The following USP34 variants were observed in gnomAD, a reference collection of about 807,000 sequenced individuals.
USP34 encodes the protein ubiquitin specific peptidase 34.
USP34 carries 70 observed loss-of-function variants against 460.3 expected under a neutral mutation model. That is an observed-to-expected ratio of 0.15 (90% CI 0.13 to 0.19). The LOEUF (loss-of-function observed/expected upper bound fraction) is 0.19. USP34 is among the 10% of genes least tolerant of loss of function. The pLI, the probability that USP34 is intolerant of heterozygous loss-of-function variation, is 1.00. For synonymous variants in USP34, 1,647 were observed against 1,405.3 expected (o/e 1.17, Z -3.85); for missense variants, 3,985 against 4,236.2 (o/e 0.94, Z 1.65).
intron 48 of USP34, among the ~76,000 whole-genome samples, chr2:61,252,608 T>C (rs1688616804): frequency 6.6e-6 from 1 of 152,082 alleles, no homozygotes; most frequent in East Asian, 1.9e-4. Flanking sequence ...ACAAAAAGTA[T>C]GAATTTAGGG....
intron 21 of USP34, 84 bp downstream of exon 21, chr2:61,325,291 A>AAT: frequency 1.2e-6 from 1 of 840,448 alleles, no homozygotes; most frequent in Non-Finnish European, 1.8e-6. Context: ...AAAAAAAAAA[A>AAT]CTGCAGAAAT....
In USP34 at chr2:61,189,043, C is replaced by T. The variant is rs1428461086; in HGVS notation, c.9900G>A (p.Leu3300=). Residue 3300 remains leucine, a synonymous_variant, in exon 79 of 80, where the codon CTG becomes CTA. Coordinates refer to ENST00000398571, the MANE Select transcript of USP34 (RefSeq NM_014709.4). ...TTAACTGTTTGGGAGTGTGTACTGA[C>T]AGGAGCAAAGCGAGTGCCCTCAGGT... The part of the protein sequence containing the change: ...NGDLRALALL[L]SVHTPKQLNP... The T allele has an allele frequency of 5.0e-6, 8 of 1,613,954 alleles. No individual in the cohort carries two copies. Among genetic ancestry groups the T allele is most frequent in the Non-Finnish European group, 6.8e-6 (8 of 1,180,030 alleles).
At chr2:61,243,782 A>C (rs1013545397) in intron 51 of USP34, among the ~76,000 whole-genome samples, 7 of 151,790 alleles carry the variant, frequency 4.6e-5, no homozygotes, top group Non-Finnish European at 1.0e-4. Context: ...GAGGCAGGAG[A>C]ATCACTTGAA....
intron 16 of USP34, among the ~76,000 whole-genome samples, chr2:61,341,634 T>C (rs1251727955): frequency 2.0e-5 from 3 of 152,080 alleles, no homozygotes; most frequent in Non-Finnish European, 4.4e-5. Flanking sequence ...CTACCATGAT[T>C]GTAAGCTTCC....
At chr2:61,364,301 T>A (rs1487097827) in intron 10 of USP34, among the ~76,000 whole-genome samples, 1 of 152,156 alleles carries the variant, frequency 6.6e-6, no homozygotes, top group African/African-American at 2.4e-5. Context: ...GTTTTGAGGC[T>A]GCAGCAGTGA....
chr2:61,319,146 A>G (rs748194538), intron 22 of USP34, 27 bp downstream of exon 22: 3 of 1,531,268 alleles, frequency 2.0e-6, no homozygotes, highest in Non-Finnish European at 1.7e-6. Flanking sequence ...TGGAAAAATA[A>G]TAACAAACTG....
intron 1 of USP34, among the ~76,000 whole-genome samples, chr2:61,459,284 G>A (rs1283131643): frequency 6.6e-6 from 1 of 152,312 alleles, no homozygotes; most frequent in African/African-American, 2.4e-5. Context: ...CTTCTTTGCT[G>A]TGTGACCTTA....
intron 21 of USP34, among the ~76,000 whole-genome samples, 177 bp downstream of exon 21, chr2:61,325,198 C>T (rs1043050179): frequency 3.3e-5 from 5 of 150,956 alleles, no homozygotes; most frequent in African/African-American, 7.3e-5. Flanking sequence ...CCTACCAGTA[C>T]GCAATACTGG....
At chr2:61,274,469 T>C (rs78909477) in intron 41 of USP34, among the ~76,000 whole-genome samples, 4,378 of 150,286 alleles carry the variant, frequency 0.029, 91 homozygotes, top group Non-Finnish European at 0.046. Context: ...TTGCAATTCA[T>C]ATTACAGTGA....
intron 21 of USP34, 113 bp downstream of exon 21, chr2:61,325,262 A>G (rs1379969233): frequency 3.9e-5 from 26 of 667,594 alleles, no homozygotes; most frequent in Admixed American, 1.1e-4. Context: ...ACTGACTCTA[A>G]AATTAAATTA....
At chr2:61,386,631 A>C (rs1693153395) in intron 5 of USP34, among the ~76,000 whole-genome samples, 1 of 152,058 alleles carries the variant, frequency 6.6e-6, no homozygotes, top group South Asian at 2.1e-4. Context: ...TATACTAAAA[A>C]TACAAAAAAT....
chr2:61,272,787 T>C (rs1348915369), intron 41 of USP34, among the ~76,000 whole-genome samples: 1 of 152,102 alleles, frequency 6.6e-6, no homozygotes, highest in African/African-American at 2.4e-5. Flanking sequence ...TAAGAACAAC[T>C]AACTTAACAT....
chr2:61,274,697 ATAGT>A (rs1295532770), intron 41 of USP34, among the ~76,000 whole-genome samples: 4 of 152,212 alleles, frequency 2.6e-5, no homozygotes, highest in African/African-American at 9.6e-5. Flanking sequence ...ATCTAAACGT[ATAGT>A]ATGTTGGTAG....
At chr2:61,204,915 G>C (rs1452567776) in intron 72 of USP34, among the ~76,000 whole-genome samples, 1 of 152,098 alleles carries the variant, frequency 6.6e-6, no homozygotes, top group African/African-American at 2.4e-5. Flanking sequence ...GGAGTGCAGT[G>C]GTGCAATCAG....
Position 61,283,466 on chromosome 2 carries a change from C to A in USP34, c.4833-17G>T, listed in dbSNP as rs1689594961. On this transcript the variant is annotated splice_polypyrimidine_tract_variant and intron_variant, in intron 35 of 79. Transcript: ENST00000398571. Reference sequence around the variant, plus strand: ...TTTAAAACTCTGTAAAGTAAAAACACCACCACCACCAATTAAATTCAGCAA... The same window carrying A: ...TTTAAAACTCTGTAAAGTAAAAACAACACCACCACCAATTAAATTCAGCAA... 2 of 1,599,662 alleles carry A rather than the reference C, an allele frequency of 1.3e-6. No homozygotes were observed. The highest frequency in any genetic ancestry group is 1.7e-6 in the Non-Finnish European group (2 of 1,173,858).
rs745316630 is a variant in USP34 at position 61,206,031 on chromosome 2, C to G, written c.9140G>C (p.Arg3047Thr). 2 of 1,612,976 alleles carry G rather than the reference C, an allele frequency of 1.2e-6. No individual in the cohort carries two copies. Among genetic ancestry groups the G allele is most frequent in the African/African-American group, 1.3e-5 (1 of 74,884 alleles). Residue 3047 changes from arginine to threonine, a missense_variant, in exon 72 of 80, where the codon AGA (arginine) becomes ACA (threonine). Physicochemically the swap from Arg to Thr is moderately conservative, Grantham distance 71 (BLOSUM62 -1). Transcript: ENST00000398571. ...AAGTAACTTACCTATACAGGCATTT[C>G]TAAGTTCTGGAGGACTATAGGAATT... ...LLNSYSPPEL[R>T]NACIDVLKEL...
intron 8 of USP34, among the ~76,000 whole-genome samples, chr2:61,373,802 A>G (rs1692704659): frequency 6.6e-6 from 1 of 152,150 alleles, no homozygotes; most frequent in African/African-American, 2.4e-5. Flanking sequence ...TCATACACAG[A>G]TCTTGAATCT....
At position 61,294,961 on chromosome 2, in the gene USP34, G is replaced by A. The variant is rs1351786703; in HGVS notation, c.4449C>T (p.Ser1483=). ...CATATGATCAAACCTTGCAACTCCA[G>A]GAATTTTTACTATTTTCCACTTGAT... ...SEDQVENSKN[S]WSCKFVAAGG... The change falls in exon 32 of 80, where the codon TCC becomes TCT. Residue 1483 remains serine, a synonymous_variant. Coordinates refer to ENST00000398571, the MANE Select transcript of USP34 (RefSeq NM_014709.4). 6.2e-7 allele frequency: 1 copy of A among 1,611,754 alleles called. No individual in the cohort carries two copies. Among genetic ancestry groups the A allele is most frequent in the South Asian group, 1.1e-5 (1 of 90,390 alleles).
chr2:61,239,124 G>T (rs2103852329), intron 53 of USP34, among the ~76,000 whole-genome samples: 1 of 152,118 alleles, frequency 6.6e-6, no homozygotes, highest in East Asian at 1.9e-4. Flanking sequence ...CCGAGTAGCT[G>T]TTCACTTTCT....
Sources: allele counts gnomAD v4.1 joint callset (sites outside exome capture counted in the v4.1 genomes callset), GRCh38; gene constraint gnomAD v4.1.1; transcripts MANE v1.5; gene names NCBI Gene and HGNC (gene_info 2026-07-23, HGNC 2026-07-21).